Variants in CD37 observed in about 807,000 individuals in gnomAD.
CD37 encodes the protein CD37 molecule.
A neutral mutation model predicts 38.9 loss-of-function variants in CD37; 37 were observed. That is an observed-to-expected ratio of 0.95 (90% CI 0.73 to 1.25). The LOEUF (loss-of-function observed/expected upper bound fraction) is 1.25. Ranked by LOEUF, CD37 falls within the 50% of genes most tolerant of loss-of-function variation. CD37 has a pLI of 0.00. For missense variants in CD37, 351 were observed against 360.1 expected, an observed-to-expected ratio of 0.97 and a Z score of 0.20; for synonymous variants, 146 against 150.1, an observed-to-expected ratio of 0.97 and a Z score of 0.20.
At position 49,339,758 on chromosome 19, in the gene CD37, G is replaced by C; in HGVS notation, c.768+345G>C. The C allele has an allele frequency of 7.2e-7, 1 of 1,389,584 alleles. No homozygotes were observed. The highest frequency in any genetic ancestry group is 9.3e-7 in the Non-Finnish European group (1 of 1,075,346). 86.1% of individuals were successfully genotyped at this position (1,389,584 alleles called of 1,614,324 possible). Reference sequence around the variant, plus strand: ...GCTGGGGATTCGAGCCCCGGGCCCAGCCTGATCGCTGACGGCGGCGGCGGG... The same window carrying C: ...GCTGGGGATTCGAGCCCCGGGCCCACCCTGATCGCTGACGGCGGCGGCGGG... On this transcript the variant is annotated intron_variant, in intron 7 of 7. Transcript: ENST00000323906. The surrounding 1 kb of genome is among the most constrained non-coding windows in gnomAD (Gnocchi z 4.5).
Position 49,339,148 on chromosome 19 carries a change from A to G in CD37, c.685-182A>G, listed in dbSNP as rs527536350. Among the ~76,000 whole-genome samples the G allele has an allele frequency of 2.4e-4, 36 of 152,176 alleles. No individual in the cohort carries two copies. The East Asian group carries it at 6.6e-3, about 28-fold the overall frequency. ...GGCTGGCTCTGGAATACAGATGTCT[A>G]GGGAGGGGCCAGGCTTGGAAAAGGT... On this transcript the variant is annotated intron_variant, in intron 6 of 7. Transcript: ENST00000323906. This position sits in a 1 kb window ranked among gnomAD's most constrained non-coding sequence, Gnocchi z 4.5.
rs961178965 is a variant in CD37 at position 49,339,645 on chromosome 19, C to T, written c.768+232C>T. 2.4e-5 allele frequency: 34 copies of T among 1,429,934 alleles called. No individual in the cohort carries two copies. The highest frequency in any genetic ancestry group is 3.1e-5 in the Non-Finnish European group (34 of 1,096,960). 88.6% of individuals were successfully genotyped at this position (1,429,934 alleles called of 1,614,324 possible). On this transcript the variant is annotated intron_variant, in intron 7 of 7. Coordinates refer to ENST00000323906, the MANE Select transcript of CD37 (RefSeq NM_001774.3). The surrounding 1 kb of genome is among the most constrained non-coding windows in gnomAD (Gnocchi z 4.5). ...CTGCTATTGGCTGCGATCTCCCTCC[C>T]CTTTCTCCGCAGATGACTGTCATGG...
Position 49,337,027 on chromosome 19 carries a change from G to T in CD37, c.261G>T (p.Leu87=). 1 of 1,613,328 alleles carries T rather than the reference G, an allele frequency of 6.2e-7. No individual in the cohort carries two copies. Among genetic ancestry groups the T allele is most frequent in the Non-Finnish European group, 8.5e-7 (1 of 1,179,504 alleles). The part of the protein sequence containing the change: ...VGALKELRCL[L]GLYFGMLLLL... ...CCCTCAAGGAGCTCCGCTGCCTCCT[G>T]GGCCTGGTGAGTGCACCATCCCTCT... The change falls in exon 3 of 8, where the codon CTG becomes CTT. Residue 87 remains leucine (L), a synonymous_variant. Coordinates refer to ENST00000323906, the MANE Select transcript of CD37 (RefSeq NM_001774.3).
In CD37 at chr19:49,340,329, G is replaced by T. The variant is rs1056704832; in HGVS notation, c.*1G>T. The T allele has an allele frequency of 1.2e-6, 2 of 1,609,406 alleles. No individual in the cohort carries two copies. Among genetic ancestry groups the T allele is most frequent in the Middle Eastern group, 1.7e-4 (1 of 6,058 alleles). ...CAACCGGCTCGCTCGATACCGTTAG[G>T]CCCCGCCCTCCCCAAAGTCCCGCCC... On this transcript the variant is annotated 3_prime_UTR_variant, in exon 8 of 8. Coordinates refer to ENST00000323906, the MANE Select transcript of CD37 (RefSeq NM_001774.3).
Position 49,335,420 on chromosome 19 carries a change from T to C in CD37, c.-121T>C. 1 of 777,468 alleles carries C rather than the reference T, an allele frequency of 1.3e-6. No homozygotes were observed. The highest frequency in any genetic ancestry group is 2.2e-6 in the Non-Finnish European group (1 of 460,352). The allele number at this position is 777,468 out of a possible 1,614,324, so 48.2% of individuals were successfully genotyped here. ...CCTGGAACTTCCTCTTTTGGGGTTC[T>C]TCCTTTCTCTCTCAGCTCTCCGTCT... is the stretch of plus-strand genomic sequence containing the variant. On this transcript the variant is annotated 5_prime_UTR_variant, in exon 1 of 8. Coordinates refer to ENST00000323906, the MANE Select transcript of CD37 (RefSeq NM_001774.3). This position sits in a 1 kb window ranked among gnomAD's most constrained non-coding sequence, Gnocchi z 4.6.
rs373559369 is a variant in CD37 at position 49,339,284 on chromosome 19, G to T, written c.685-46G>T. 5.2e-5 allele frequency: 80 copies of T among 1,539,596 alleles called. No homozygotes were observed. In the African/African-American group the frequency reaches 9.8e-4, roughly 19 times the overall value. On this transcript the variant is annotated intron_variant, in intron 6 of 7. Transcript: ENST00000323906. The surrounding 1 kb of genome is among the most constrained non-coding windows in gnomAD (Gnocchi z 4.5). ...TGAAAAGAACGCTGGGCCTGGGCTTGAGAGTCCCAGAAAGAATCCCTTTAA... is the reference window on the plus strand; with the variant it reads ...TGAAAAGAACGCTGGGCCTGGGCTTTAGAGTCCCAGAAAGAATCCCTTTAA...
In CD37 at chr19:49,335,442, GTCTC is replaced by G. The variant is rs200604457; in HGVS notation, c.-95_-92del. ...TTCTTCCTTTCTCTCTCAGCTCTCC[GTCTC>G]TCTTTCTCTCTCAGCCTCTTTCTTT... On this transcript the variant is annotated 5_prime_UTR_variant, in exon 1 of 8. Coordinates refer to ENST00000323906, the MANE Select transcript of CD37 (RefSeq NM_001774.3). This position sits in a 1 kb window ranked among gnomAD's most constrained non-coding sequence, Gnocchi z 4.6. 4.8e-4 allele frequency: 426 copies of G among 886,420 alleles called. 2 individuals carry two copies. In the African/African-American group the frequency reaches 6.1e-3, roughly 13 times the overall value. The allele number at this position is 886,420 out of a possible 1,614,324, so 54.9% of individuals were successfully genotyped here.
At chr19:49,340,189 G>GCATCACCCCCGTCTCGC (rs1971170677) in intron 7 of CD37, 62 bp from the exon 8 acceptor site, 1 of 1,525,790 alleles carries the variant, frequency 6.6e-7, no homozygotes, top group African/African-American at 1.4e-5. Flanking sequence ...GCCCGGGTGG[G>GCATCACCCCCGTCTCGC]CATCACCCCC....
rs558671241 is a variant in CD37, at chr19:49,339,450, A to T, written c.768+37A>T. On this transcript the variant is annotated intron_variant, in intron 7 of 7. Coordinates refer to ENST00000323906, the MANE Select transcript of CD37 (RefSeq NM_001774.3). The surrounding 1 kb of genome is among the most constrained non-coding windows in gnomAD (Gnocchi z 4.5). ...CCGCCCCCACCCGCGATCGGCCCTA[A>T]ATCCCTAGATGGCCCTGCCCTTCAT... 1 of 1,591,990 alleles carries T rather than the reference A, an allele frequency of 6.3e-7. No homozygotes were observed. Among genetic ancestry groups the T allele is most frequent in the East Asian group, 2.2e-5 (1 of 44,776 alleles).
intron 2 of CD37, 105 bp from the exon 3 acceptor site, chr19:49,336,804 G>A (rs1192966144): frequency 1.6e-6 from 2 of 1,213,434 alleles, no homozygotes; most frequent in South Asian, 1.4e-5. Context: ...CCAGAGAGAG[G>A]GGCACCAAGA....
intron 4 of CD37, 116 bp from the exon 5 acceptor site, chr19:49,337,809 G>A (rs1041540200): frequency 3.8e-6 from 6 of 1,563,870 alleles, no homozygotes; most frequent in Non-Finnish European, 4.3e-6. Context: ...TAGCCATTCA[G>A]TAAGGATTTG....
rs749323419 is a variant in CD37 at position 49,338,816 on chromosome 19, C to G, written c.564C>G (p.Asn188Lys). 6.8e-6 allele frequency: 11 copies of G among 1,614,040 alleles called. No homozygotes were observed. Among genetic ancestry groups the G allele is most frequent in the Middle Eastern group, 1.6e-4 (1 of 6,062 alleles). ...PCSCYNLSAT[N>K]DSTILDKVIL... ...CCTGCTACAACTTGTCGGCGACCAACGACTCCACAATCCTAGATAAGGTGA... is the reference window on the plus strand; with the variant it reads ...CCTGCTACAACTTGTCGGCGACCAAGGACTCCACAATCCTAGATAAGGTGA... Residue 188 changes from asparagine to lysine, a missense_variant, in exon 6 of 8, where the codon AAC (asparagine) becomes AAG (lysine). By Grantham distance (94) the Asn-to-Lys change is moderately conservative. Coordinates refer to ENST00000323906, the MANE Select transcript of CD37 (RefSeq NM_001774.3). This position sits in a 1 kb window ranked among gnomAD's most constrained non-coding sequence, Gnocchi z 5.0.
In CD37 at chr19:49,339,050, G is replaced by A; in HGVS notation, c.684+114G>A. Reference sequence around the variant, plus strand: ...GGCGGGGTCTACGAGAAAAGGAAAGGTACGGCAGGAGGGGCGGGGCCCTCT... The same window carrying A: ...GGCGGGGTCTACGAGAAAAGGAAAGATACGGCAGGAGGGGCGGGGCCCTCT... On this transcript the variant is annotated intron_variant, in intron 6 of 7. Transcript: ENST00000323906. This position sits in a 1 kb window ranked among gnomAD's most constrained non-coding sequence, Gnocchi z 4.5. The A allele has an allele frequency of 1.1e-6, 1 of 910,042 alleles. No individual in the cohort carries two copies. The highest frequency in any genetic ancestry group is 1.7e-6 in the Non-Finnish European group (1 of 583,574). 56.4% of individuals were successfully genotyped at this position (910,042 alleles called of 1,614,324 possible).
chr19:49,338,899 T>C lies in CD37; in HGVS notation c.647T>C (p.Ile216Thr), dbSNP rs778124461. 5 of 1,613,878 alleles carry C rather than the reference T, an allele frequency of 3.1e-6. No homozygotes were observed. The Admixed American group carries it at 6.7e-5, about 22-fold the overall frequency. ...HLARSRHSAD[I>T]CAVPAESHIY... ...GCGCGGTCCAGACACAGTGCAGACATCTGCGCTGTCCCTGCAGAGAGCCAC... is the reference window on the plus strand; with the variant it reads ...GCGCGGTCCAGACACAGTGCAGACACCTGCGCTGTCCCTGCAGAGAGCCAC... Residue 216 changes from isoleucine (I) to threonine (T), a missense_variant, in exon 6 of 8, where the codon ATC becomes ACC. Physicochemically the swap from Ile to Thr is moderately conservative, Grantham distance 89 (BLOSUM62 -1). Transcript: ENST00000323906. This position sits in a 1 kb window ranked among gnomAD's most constrained non-coding sequence, Gnocchi z 5.0.
At position 49,340,485 on chromosome 19, in the gene CD37, C is replaced by T. The variant is rs1971193096; in HGVS notation, c.*157C>T. 1.5e-6 allele frequency: 1 copy of T among 669,632 alleles called. No homozygotes were observed. The highest frequency in any genetic ancestry group is 1.7e-5 in the South Asian group (1 of 60,568). 41.5% of individuals were successfully genotyped at this position (669,632 alleles called of 1,614,324 possible). A position where few individuals can be genotyped will look rare whatever the true frequency, so the allele number is the denominator to read the frequency against. ...TGGCTGCGTGCCCCTGCTGCTGTCA[C>T]CTCTCCCACGGGACCTGGGGCTTTC... On this transcript the variant is annotated 3_prime_UTR_variant, in exon 8 of 8. Transcript: ENST00000323906.
chr19:49,337,870 A>C, intron 4 of CD37, 55 bp from the exon 5 acceptor site: 24 of 1,125,348 alleles, frequency 2.1e-5, no homozygotes, highest in East Asian at 6.5e-5. Context: ...ACAGCCTGAG[A>C]GGGGGAGGGG....
At chr19:49,340,172 C>A (rs1384744295) in intron 7 of CD37, 79 bp from the exon 8 acceptor site, 1 of 1,523,620 alleles carries the variant, frequency 6.6e-7, no homozygotes, top group Non-Finnish European at 9.0e-7. Flanking sequence ...CACCCCTGAC[C>A]TTTCTCGCCC....
chr19:49,336,228 C>G (rs1347378566), intron 2 of CD37: 3 of 178,086 alleles, frequency 1.7e-5, no homozygotes, highest in African/African-American at 7.2e-5. Flanking sequence ...GTGTTGAGGA[C>G]TGGGTTGAAC....
At chr19:49,336,883 A>G (rs1230342883) in intron 2 of CD37, 26 bp from the exon 3 acceptor site, 2 of 1,612,664 alleles carry the variant, frequency 1.2e-6, no homozygotes, top group African/African-American at 2.7e-5. Context: ...CACACAGCTC[A>G]TCATCACTCC....
Sources: gnomAD v4.1 joint callset for allele counts (sites outside exome capture counted in the v4.1 genomes callset) on GRCh38, gnomAD v4.1.1 for gene constraint, Gnocchi (gnomAD v3.1) non-coding constraint, MANE v1.5 for transcripts, NCBI Gene and HGNC (gene_info 2026-07-23, HGNC 2026-07-21) for gene names.